Variants in UGGT2 observed in about 807,000 individuals in gnomAD.
UGGT2 encodes the protein UDP-glucose glycoprotein glucosyltransferase 2.
Under a neutral mutation model 192.1 loss-of-function variants are expected in UGGT2, and 180 were observed. The ratio of observed to expected loss-of-function variants is 0.94; its 90% CI spans 0.83 to 1.06. UGGT2 has a LOEUF of 1.06. Among genes scored for constraint, UGGT2 ranks in the 50% least tolerant of loss-of-function variants. The pLI, the probability that UGGT2 is intolerant of heterozygous loss-of-function variation, is 0.00. For missense variants in UGGT2, 1,849 were observed against 1,795.7 expected, an observed-to-expected ratio of 1.03 and a Z score of -0.54; for synonymous variants, 580 against 591.0, an observed-to-expected ratio of 0.98 and a Z score of 0.27.
chr13:95,999,639 T>C (rs190066078), intron 5 of UGGT2, among the ~76,000 whole-genome samples: 3 of 152,308 alleles, frequency 2.0e-5, no homozygotes, highest in Non-Finnish European at 4.4e-5. Flanking sequence ...CAGACAAGTT[T>C]CAACAAAACT....
At chr13:95,868,508 G>A (rs550619547) in intron 29 of UGGT2, among the ~76,000 whole-genome samples, 15 of 152,238 alleles carry the variant, frequency 9.9e-5, no homozygotes, top group Non-Finnish European at 1.9e-4. Context: ...GAAGTAGGAC[G>A]ATTGCTTGAA....
At chr13:95,877,900 C>A (rs772139547) in intron 27 of UGGT2, 44 bp from the exon 28 acceptor site, 2 of 1,536,956 alleles carry the variant, frequency 1.3e-6, no homozygotes, top group South Asian at 2.6e-5. Context: ...ATGTAAAACT[C>A]ATAATACAAA....
intron 7 of UGGT2, among the ~76,000 whole-genome samples, chr13:95,994,951 A>G (rs1230920383): frequency 1.3e-5 from 2 of 152,084 alleles, no homozygotes; most frequent in East Asian, 3.8e-4. Flanking sequence ...TTTAACAGTT[A>G]CCAACCATAG....
At chr13:95,906,491 G>C (rs146820886) in intron 20 of UGGT2, among the ~76,000 whole-genome samples, 48 of 152,194 alleles carry the variant, frequency 3.2e-4, no homozygotes, top group Non-Finnish European at 6.3e-4. Flanking sequence ...ACACCATTAA[G>C]CATGCCAACA....
chr13:96,026,117 TAAAACAAAA>T (rs1266163308), intron 2 of UGGT2, among the ~76,000 whole-genome samples: 1 of 150,108 alleles, frequency 6.7e-6, no homozygotes, highest in Non-Finnish European at 1.5e-5. Context: ...CTTACATACC[TAAAACAAAA>T]AAGACACAGA....
At chr13:95,999,065 C>G (rs551723505) in intron 6 of UGGT2, 146 bp downstream of exon 6, 1 of 524,216 alleles carries the variant, frequency 1.9e-6, no homozygotes, top group East Asian at 2.9e-5. Context: ...AAATTTAATT[C>G]CAAATTTTAA....
At chr13:96,033,796 TGGAA>T (rs1207006010) in intron 1 of UGGT2, among the ~76,000 whole-genome samples, 3 of 152,066 alleles carry the variant, frequency 2.0e-5, no homozygotes, top group East Asian at 1.9e-4. Flanking sequence ...CCAATGGGCA[TGGAA>T]GGGAGGCCAA....
intron 29 of UGGT2, among the ~76,000 whole-genome samples, chr13:95,874,614 AC>A (rs1226794571): frequency 6.6e-6 from 1 of 152,114 alleles, no homozygotes; most frequent in Non-Finnish European, 1.5e-5. Context: ...ACTGTGGTTA[AC>A]CATGGGCGAC....
intron 31 of UGGT2, among the ~76,000 whole-genome samples, chr13:95,861,553 T>G (rs532785840): frequency 6.6e-6 from 1 of 152,312 alleles, no homozygotes; most frequent in Non-Finnish European, 1.5e-5. Flanking sequence ...CATTTCATTT[T>G]TGTATAGGCC....
intron 13 of UGGT2, among the ~76,000 whole-genome samples, chr13:95,948,499 T>C (rs1460304697): frequency 6.6e-6 from 1 of 152,174 alleles, no homozygotes; most frequent in East Asian, 1.9e-4. Context: ...TTATCAAGAC[T>C]GCTGCAAAAA....
At chr13:95,903,491 G>A (rs780142876) in intron 20 of UGGT2, among the ~76,000 whole-genome samples, 4 of 152,078 alleles carry the variant, frequency 2.6e-5, no homozygotes, top group Non-Finnish European at 4.4e-5. Flanking sequence ...GTCATTTATG[G>A]TAATAACAAC....
At chr13:95,892,039 G>C (rs533092505) in intron 24 of UGGT2, among the ~76,000 whole-genome samples, 1 of 152,104 alleles carries the variant, frequency 6.6e-6, no homozygotes, top group Admixed American at 6.6e-5. Context: ...TGCTATTAAA[G>C]TGACTCTTGA....
chr13:95,933,411 C>T (rs1277075509), intron 17 of UGGT2, among the ~76,000 whole-genome samples: 1 of 152,076 alleles, frequency 6.6e-6, no homozygotes, highest in Admixed American at 6.6e-5. Context: ...TGTAATGTCA[C>T]CTTTGTTGCT....
chr13:95,842,182 C>G (rs775291403), intron 36 of UGGT2, among the ~76,000 whole-genome samples: 1 of 152,132 alleles, frequency 6.6e-6, no homozygotes, highest in Admixed American at 6.5e-5. Context: ...CAATTGTTCC[C>G]TCCTATCCTT....
intron 12 of UGGT2, among the ~76,000 whole-genome samples, chr13:95,953,055 A>G (rs2050114633): frequency 6.6e-6 from 1 of 152,216 alleles, no homozygotes; most frequent in Non-Finnish European, 1.5e-5. Flanking sequence ...GATTCTTAAC[A>G]TTACTTTGGG....
chr13:95,969,552 T>C (rs1246688324), intron 12 of UGGT2, among the ~76,000 whole-genome samples: 2 of 152,230 alleles, frequency 1.3e-5, no homozygotes, highest in African/African-American at 4.8e-5. Flanking sequence ...AAGTGCTTTC[T>C]AAGCATGAGA....
intron 12 of UGGT2, among the ~76,000 whole-genome samples, chr13:95,958,301 G>A (rs985738566): frequency 6.6e-5 from 10 of 151,928 alleles, no homozygotes; most frequent in Admixed American, 2.0e-4. Flanking sequence ...ACAGACGCCC[G>A]CCACCATGCC....
At position 95,917,649 on chromosome 13, in the gene UGGT2, C is replaced by T. The variant is rs182001263; in HGVS notation, c.2295+8031G>A. On this transcript the variant is annotated intron_variant, in intron 20 of 38. Transcript: ENST00000376747. The stretch of plus-strand genomic sequence containing the variant: ...GATAAAGAGTGGAGACCCATCAACA[C>T]GCTGTCTTCAAGAGATCCATCTCAC... 5.0e-4 allele frequency among the ~76,000 whole-genome samples: 76 copies of T among 152,230 alleles called. 1 individual carries two copies. The highest frequency in any genetic ancestry group is 1.7e-3 in the African/African-American group (69 of 41,536).
chr13:95,996,429 G>A (rs543412595), intron 6 of UGGT2, among the ~76,000 whole-genome samples: 1 of 151,958 alleles, frequency 6.6e-6, no homozygotes, highest in East Asian at 1.9e-4. Context: ...CTGGGAGGTG[G>A]AGGTTGCAGT....
Sources: gnomAD v4.1 joint callset for allele counts (sites outside exome capture counted in the v4.1 genomes callset) on GRCh38, gnomAD v4.1.1 for gene constraint, MANE v1.5 for transcripts, NCBI Gene and HGNC (gene_info 2026-07-23, HGNC 2026-07-21) for gene names.